The following ARSG variants were observed in gnomAD, a reference collection of about 807,000 sequenced individuals.
ARSG encodes ASG.
Under a neutral mutation model 50.5 loss-of-function variants are expected in ARSG, and 37 were observed. The observed-to-expected ratio is 0.73, with a 90% CI of 0.56 to 0.96. ARSG has a LOEUF of 0.96. Among genes scored for constraint, ARSG ranks in the 50% least tolerant of loss-of-function variants. The probability of loss-of-function intolerance (pLI) is 0.00; values close to 1 mark genes in which losing one functional copy is unlikely to be tolerated. For synonymous variants in ARSG, 225 were observed against 254.6 expected (o/e 0.88, Z 1.11); for missense variants, 629 against 675.3 (o/e 0.93, Z 0.76).
upstream of ARSG, among the ~76,000 whole-genome samples, chr17:68,286,795 CTGA>C (rs1174172394): frequency 2.0e-4 from 31 of 152,216 alleles, no homozygotes; most frequent in African/African-American, 7.0e-4. Context: ...TGAGAAACAG[CTGA>C]TACTTTTGAA....
chr17:68,359,030 G>A (rs2079163303), intron 6 of ARSG, among the ~76,000 whole-genome samples: 1 of 151,962 alleles, frequency 6.6e-6, no homozygotes, highest in African/African-American at 2.4e-5. Flanking sequence ...AGGCGTGGTG[G>A]CGGACGCCTG....
At chr17:68,342,991 A>G (rs953025004) in intron 2 of ARSG, among the ~76,000 whole-genome samples, 2 of 152,162 alleles carry the variant, frequency 1.3e-5, no homozygotes, top group Admixed American at 1.3e-4. Context: ...AAAACATACA[A>G]CGTTAGTAAG....
chr17:68,437,036 GTA>G, the ARSG span, among the ~76,000 whole-genome samples: 39,471 of 117,774 alleles, frequency 0.34, 5,827 homozygotes, highest in Admixed American at 0.46. Flanking sequence ...GTGTGTGTGT[GTA>G]TATATTGCTC....
Position 68,307,339 on chromosome 17 carries a change from C to T in ARSG, c.-155C>T. The T allele has an allele frequency of 3.2e-6, 2 of 627,702 alleles. No individual in the cohort carries two copies. The highest frequency in any genetic ancestry group is 2.0e-5 in the South Asian group (1 of 50,230). The allele number at this position is 627,702 out of a possible 1,614,324, so 38.9% of individuals were successfully genotyped here. A position where few individuals can be genotyped will look rare whatever the true frequency, so the allele number is the denominator to read the frequency against. On this transcript the variant is annotated 5_prime_UTR_variant, in exon 2 of 12. Transcript: ENST00000621439. Reference sequence around the variant, plus strand: ...CCCAACATTCCTATAGCCGTTATCACTGCCATCACCACTGCCACCAGCATC... The same window carrying T: ...CCCAACATTCCTATAGCCGTTATCATTGCCATCACCACTGCCACCAGCATC...
At chr17:68,354,142 C>T (rs190595554) in intron 5 of ARSG, among the ~76,000 whole-genome samples, 1 of 150,226 alleles carries the variant, frequency 6.7e-6, no homozygotes, top group Non-Finnish European at 1.5e-5. Flanking sequence ...AGTAGAAAGC[C>T]AGGTGCAGTG....
chr17:68,277,513 T>G (rs2075563655), intron 1 of ARSG, among the ~76,000 whole-genome samples: 1 of 152,174 alleles, frequency 6.6e-6, no homozygotes, highest in South Asian at 2.1e-4. Flanking sequence ...CACTGCAACC[T>G]CCGCCTCCTG....
At chr17:68,428,755 G>A in the ARSG span, 1 of 1,182,640 alleles carries the variant, frequency 8.5e-7, no homozygotes, top group South Asian at 1.3e-5. Flanking sequence ...ACTGAAGCTT[G>A]TCGTTCTTGG....
At chr17:68,427,165 G>A, downstream of ARSG, 1 of 1,614,128 alleles carries the variant, frequency 6.2e-7, no homozygotes, top group Non-Finnish European at 8.5e-7. Context: ...GATGCACTTG[G>A]TCTGGCTACG....
intron 11 of ARSG, among the ~76,000 whole-genome samples, chr17:68,405,498 T>C (rs1371466834): frequency 1.3e-5 from 2 of 152,234 alleles, no homozygotes; most frequent in Non-Finnish European, 2.9e-5. Flanking sequence ...TGTTAGTGTA[T>C]AGAAATATAA....
chr17:68,295,511 T>TC (rs2076171155), intron 1 of ARSG, among the ~76,000 whole-genome samples: 1 of 151,432 alleles, frequency 6.6e-6, no homozygotes, highest in Non-Finnish European at 1.5e-5. Flanking sequence ...CCGGGAGGCT[T>TC]CTATAAATTA....
At chr17:68,401,873 T>G (rs75188851) in intron 11 of ARSG, among the ~76,000 whole-genome samples, 1,818 of 152,312 alleles carry the variant, frequency 0.012, 39 homozygotes, top group African/African-American at 0.042. Flanking sequence ...TCTCTCTGCT[T>G]CTTGGTTCAC....
Position 68,301,835 on chromosome 17 carries a change from T to C in ARSG, c.-551-5108T>C, listed in dbSNP as rs7221338. 2.4e-4 allele frequency among the ~76,000 whole-genome samples: 37 copies of C among 152,138 alleles called. No individual in the cohort carries two copies. The South Asian group carries it at 3.7e-3, about 15-fold the overall frequency. On this transcript the variant is annotated intron_variant, in intron 1 of 11. Coordinates refer to ENST00000621439, the MANE Select transcript of ARSG (RefSeq NM_001267727.2). ...TTCCCAGTTTCTCTGCCTTTCCTGC[T>C]TGGCTTCCTGATGGCTGCGTAGCTT... is the stretch of plus-strand genomic sequence containing the variant.
intron 11 of ARSG, among the ~76,000 whole-genome samples, chr17:68,416,388 T>C (rs538377206): frequency 2.6e-5 from 4 of 152,230 alleles, no homozygotes; most frequent in African/African-American, 9.6e-5. Context: ...TTAATCCTGA[T>C]AGGTTTTCCT....
In ARSG at chr17:68,420,200, G is replaced by A. The variant is rs761320023; in HGVS notation, c.1315G>A (p.Ala439Thr). 3.1e-6 allele frequency: 5 copies of A among 1,614,026 alleles called. No individual in the cohort carries two copies. The Admixed American group carries it at 5.0e-5, about 16-fold the overall frequency. Residue 439 changes from alanine to threonine, a missense_variant, in exon 12 of 12, where the codon GCG becomes ACG. By Grantham distance (58) the Ala-to-Thr change is moderately conservative. Coordinates refer to ENST00000621439, the MANE Select transcript of ARSG (RefSeq NM_001267727.2). ...CATTCCCTCTCTAGGTGGAGCCAGGGCGTGTGATGGGAGCACGGGGCCTGA... is the reference window on the plus strand; with the variant it reads ...CATTCCCTCTCTAGGTGGAGCCAGGACGTGTGATGGGAGCACGGGGCCTGA... ...KAFYITGGARACDGSTGPELQ... is the reference protein window; with the variant it reads ...KAFYITGGARTCDGSTGPELQ...
upstream of ARSG, among the ~76,000 whole-genome samples, chr17:68,290,814 CT>C (rs1267451135): frequency 2.0e-5 from 3 of 152,218 alleles, no homozygotes; most frequent in African/African-American, 7.2e-5. Context: ...CCAGGCGTGC[CT>C]TTAGGTATCT....
rs2081378546 is a variant in ARSG at position 68,399,339 on chromosome 17, C to G, written c.1213-2021C>G. Among the ~76,000 whole-genome samples, 1 of 152,174 alleles carries G rather than the reference C, an allele frequency of 6.6e-6. No individual in the cohort carries two copies. ...CCTGAATGGAGAAGAAGCCCACCTT[C>G]AGGGGATGCTATATCAGCACCCTGT... On this transcript the variant is annotated intron_variant, in intron 10 of 11. Coordinates refer to ENST00000621439, the MANE Select transcript of ARSG (RefSeq NM_001267727.2). The surrounding 1 kb of genome is among the most constrained non-coding windows in gnomAD (Gnocchi z 4.6).
chr17:68,358,095 TG>T (rs1478361746), intron 6 of ARSG, among the ~76,000 whole-genome samples: 3 of 151,958 alleles, frequency 2.0e-5, no homozygotes, highest in Non-Finnish European at 2.9e-5. Context: ...TCCAGCTACT[TG>T]GTAGGCTGAG....
chr17:68,346,952 C>G, intron 3 of ARSG, 173 bp from the exon 4 acceptor site: 1 of 1,514,970 alleles, frequency 6.6e-7, no homozygotes, highest in Non-Finnish European at 8.8e-7. Flanking sequence ...CTGTGGACAC[C>G]GTCTCGGCCC....
rs2146120795 is a variant in ARSG at position 68,335,967 on chromosome 17, G to A, written c.219-7637G>A. On this transcript the variant is annotated intron_variant, in intron 2 of 11. Transcript: ENST00000621439. Reference sequence around the variant, plus strand: ...AGGCTGGAGTGCAGTGGTGCTATCTGAGCTCACTGCAACCTCTGCCTCCCA... The same window carrying A: ...AGGCTGGAGTGCAGTGGTGCTATCTAAGCTCACTGCAACCTCTGCCTCCCA... Among the ~76,000 whole-genome samples the A allele has an allele frequency of 1.3e-5, 2 of 152,070 alleles. 1 individual carries two copies. The highest frequency in any genetic ancestry group is 1.3e-4 in the Admixed American group (2 of 15,264).
Sources: allele counts gnomAD v4.1 joint callset (sites outside exome capture counted in the v4.1 genomes callset), GRCh38; gene constraint gnomAD v4.1.1; non-coding constraint Gnocchi (gnomAD v3.1); transcripts MANE v1.5; gene names NCBI Gene and HGNC (gene_info 2026-07-23, HGNC 2026-07-21).